The following CSMD3 variants were observed in gnomAD, a reference collection of about 807,000 sequenced individuals.
CSMD3 encodes the protein CUB and sushi domain-containing protein 3.
In CSMD3, 177 loss-of-function variants were observed where a neutral mutation model predicts 435.2. The observed-to-expected ratio is 0.41, with a 90% CI of 0.36 to 0.46. The LOEUF (loss-of-function observed/expected upper bound fraction) is 0.46, where lower values mean the gene tolerates loss of function less well. CSMD3 is among the 20% of genes least tolerant of loss of function. The probability of loss-of-function intolerance (pLI) is 0.34; values close to 1 mark genes in which losing one functional copy is unlikely to be tolerated. For missense variants in CSMD3, 4,265 were observed against 4,504.6 expected (o/e 0.95, Z 1.52); for synonymous variants, 1,656 against 1,520.5 (o/e 1.09, Z -2.07).
At chr8:112,853,215 TC>T (rs1416509993) in intron 11 of CSMD3, among the ~76,000 whole-genome samples, 1 of 152,068 alleles carries the variant, frequency 6.6e-6, no homozygotes, top group Admixed American at 6.6e-5. Flanking sequence ...TTCATCACTT[TC>T]TTTTTTCTTT....
chr8:112,879,472 T>A (rs2081387412), intron 10 of CSMD3, among the ~76,000 whole-genome samples: 1 of 152,130 alleles, frequency 6.6e-6, no homozygotes, highest in Non-Finnish European at 1.5e-5. Context: ...CCAGAACTTG[T>A]GATATCACTC....
intron 27 of CSMD3, among the ~76,000 whole-genome samples, chr8:112,537,716 A>G (rs1826256856): frequency 6.6e-6 from 1 of 151,786 alleles, no homozygotes; most frequent in African/African-American, 2.4e-5. Flanking sequence ...ACAAGTAATG[A>G]GTTCAAAGTA....
At chr8:113,129,710 G>C (rs2091235403) in intron 4 of CSMD3, among the ~76,000 whole-genome samples, 1 of 152,062 alleles carries the variant, frequency 6.6e-6, no homozygotes, top group African/African-American at 2.4e-5. Context: ...GATTCATAGA[G>C]AAGTATACAC....
chr8:113,384,266 T>G (rs1027835902), intron 1 of CSMD3, among the ~76,000 whole-genome samples: 1 of 152,174 alleles, frequency 6.6e-6, no homozygotes, highest in Non-Finnish European at 1.5e-5. Context: ...AGCACCTAAC[T>G]CTGTGTCTGA....
chr8:112,424,044 C>A (rs1288744331), intron 32 of CSMD3, among the ~76,000 whole-genome samples: 2 of 152,004 alleles, frequency 1.3e-5, no homozygotes, highest in Non-Finnish European at 2.9e-5. Flanking sequence ...AAGCATTTAG[C>A]CTTTAAAAGA....
chr8:113,309,332 A>G (rs2093849107), intron 2 of CSMD3: 2 of 152,232 alleles, frequency 1.3e-5, no homozygotes, highest in South Asian at 4.1e-4. Context: ...TGATCCTATC[A>G]CCCAGATGTA....
At chr8:113,368,255 G>A (rs529498964) in intron 1 of CSMD3, among the ~76,000 whole-genome samples, 3 of 152,108 alleles carry the variant, frequency 2.0e-5, no homozygotes, top group African/African-American at 7.2e-5. Flanking sequence ...TTTTCATTTG[G>A]TTGACTCCCA....
At chr8:113,204,613 TCAGCCA>T (rs2092750857) in intron 3 of CSMD3, among the ~76,000 whole-genome samples, 2 of 152,164 alleles carry the variant, frequency 1.3e-5, no homozygotes, top group Non-Finnish European at 2.9e-5. Flanking sequence ...ATTCAGTGAC[TCAGCCA>T]GAGGAACTTT....
intron 6 of CSMD3, among the ~76,000 whole-genome samples, chr8:112,987,848 T>C (rs2085311004): frequency 6.6e-6 from 1 of 152,072 alleles, no homozygotes; most frequent in East Asian, 1.9e-4. Context: ...GGAAATTTTC[T>C]CTATATTCCC....
intron 32 of CSMD3, among the ~76,000 whole-genome samples, chr8:112,445,698 C>T (rs1437216702): frequency 1.3e-5 from 2 of 152,160 alleles, no homozygotes; most frequent in Non-Finnish European, 2.9e-5. Context: ...GACAAAACAT[C>T]CAAACCACAA....
At chr8:113,063,436 C>A (rs1345795586) in intron 5 of CSMD3, among the ~76,000 whole-genome samples, 1 of 151,904 alleles carries the variant, frequency 6.6e-6, no homozygotes, top group African/African-American at 2.4e-5. Context: ...CATGCACAAT[C>A]TTTAATATCT....
chr8:112,451,816 G>T (rs563939577), intron 32 of CSMD3, among the ~76,000 whole-genome samples: 1 of 152,174 alleles, frequency 6.6e-6, no homozygotes, highest in South Asian at 2.1e-4. Context: ...GGGATTACAG[G>T]CATGAGCCAC....
chr8:113,184,741 C>T (rs1216187133), intron 3 of CSMD3, among the ~76,000 whole-genome samples: 1 of 151,996 alleles, frequency 6.6e-6, no homozygotes, highest in East Asian at 1.9e-4. Flanking sequence ...TCAATCTTAT[C>T]AGCTTCCGAA....
intron 24 of CSMD3, among the ~76,000 whole-genome samples, chr8:112,565,041 A>T (rs1828954029): frequency 6.6e-6 from 1 of 152,110 alleles, no homozygotes. Context: ...AGGCTATGAA[A>T]ATAATGATAC....
intron 5 of CSMD3, among the ~76,000 whole-genome samples, chr8:113,072,772 C>T (rs900430620): frequency 9.9e-5 from 15 of 151,656 alleles, no homozygotes; most frequent in Admixed American, 9.9e-4. Flanking sequence ...TTACTTCTAG[C>T]TGATGAGCAA....
chr8:113,199,352 A>G (rs2092693388), intron 3 of CSMD3, among the ~76,000 whole-genome samples: 1 of 151,702 alleles, frequency 6.6e-6, no homozygotes, highest in African/African-American at 2.4e-5. Context: ...AAACATTGAA[A>G]CAGCCTTTAT....
At chr8:112,808,494 C>A (rs1181389216) in intron 12 of CSMD3, among the ~76,000 whole-genome samples, 2 of 151,992 alleles carry the variant, frequency 1.3e-5, no homozygotes, top group Admixed American at 6.6e-5. Context: ...GACTCCCAGC[C>A]CATCAAAGAA....
In CSMD3 at chr8:112,747,002, C is replaced by T. The variant is rs1399696211; in HGVS notation, c.1972+53160G>A. Among the ~76,000 whole-genome samples, 3 of 151,960 alleles carry T rather than the reference C, an allele frequency of 2.0e-5. No homozygotes were observed. The East Asian group carries it at 5.8e-4, about 29-fold the overall frequency. Reference sequence around the variant, plus strand: ...TCATTTCCAAGGAAATTTTATTTTACTCCATCGCAGGCATTCATTTACATG... The same window carrying T: ...TCATTTCCAAGGAAATTTTATTTTATTCCATCGCAGGCATTCATTTACATG... On this transcript the variant is annotated intron_variant, in intron 13 of 70. Transcript: ENST00000297405.
At chr8:112,447,387 C>T (rs1170316699) in intron 32 of CSMD3, among the ~76,000 whole-genome samples, 2 of 152,162 alleles carry the variant, frequency 1.3e-5, no homozygotes, top group African/African-American at 4.8e-5. Flanking sequence ...GACCACATCC[C>T]TTGGTGTTTC....
Sources: allele counts gnomAD v4.1 joint callset (sites outside exome capture counted in the v4.1 genomes callset), GRCh38; gene constraint gnomAD v4.1.1; transcripts MANE v1.5; gene names NCBI Gene and HGNC (gene_info 2026-07-23, HGNC 2026-07-21).